The following ASS1 variants were observed in gnomAD, a reference collection of about 807,000 sequenced individuals.
ASS1 encodes argininosuccinate synthase 1, also known as argininosuccinate synthase.
A neutral mutation model predicts 60.5 loss-of-function variants in ASS1; 58 were observed. That is an observed-to-expected ratio of 0.96 (90% CI 0.78 to 1.19). The LOEUF (loss-of-function observed/expected upper bound fraction) is 1.19, where lower values mean the gene tolerates loss of function less well. Ranked by LOEUF, ASS1 falls within the 50% of genes most tolerant of loss-of-function variation. The pLI is 0.00. For missense variants in ASS1, 454 were observed against 547.3 expected, an observed-to-expected ratio of 0.83 and a Z score of 1.70; for synonymous variants, 200 against 206.9, an observed-to-expected ratio of 0.97 and a Z score of 0.29.
intron 5 of ASS1, chr9:130,466,381 C>G: frequency 2.6e-6 from 1 of 389,606 alleles, no homozygotes; most frequent in Non-Finnish European, 4.9e-6. Context: ...CGGCAGTGGC[C>G]CTGTGGCTGA....
chr9:130,464,032 G>A, intron 4 of ASS1, 79 bp from the exon 5 acceptor site: 2 of 1,509,194 alleles, frequency 1.3e-6, no homozygotes, highest in Non-Finnish European at 1.8e-6. Context: ...GCCACGGGCT[G>A]TCCTTGTCCT....
chr9:130,494,887 T>C lies in ASS1; in HGVS notation c.991T>C (p.Cys331Arg), dbSNP rs1055308437. ...VYTGFWHSPE[C>R]EFVRHCIAKS... ...TGTAGGTTTCTGGCACAGCCCTGAG[T>C]GTGAATTTGTCCGCCACTGCATCGC... is the stretch of plus-strand genomic sequence containing the variant. The change falls in exon 13 of 15, where the codon TGT becomes CGT. Residue 331 changes from cysteine to arginine, a missense_variant. Coordinates refer to ENST00000352480, the MANE Select transcript of ASS1 (RefSeq NM_054012.4). This position sits in a 1 kb window ranked among gnomAD's most constrained non-coding sequence, Gnocchi z 4.3. 2.5e-6 allele frequency: 4 copies of C among 1,613,282 alleles called. No homozygotes were observed. Among genetic ancestry groups the C allele is most frequent in the African/African-American group, 1.3e-5 (1 of 74,982 alleles).
intron 7 of ASS1, 65 bp from the exon 8 acceptor site, chr9:130,471,420 G>A (rs374516554): frequency 2.7e-5 from 42 of 1,579,630 alleles, no homozygotes; most frequent in Non-Finnish European, 3.7e-5. Context: ...GGGTGTGTGT[G>A]TTGGGGGATG....
chr9:130,479,949 A>G, intron 10 of ASS1, 149 bp downstream of exon 10: 4 of 951,066 alleles, frequency 4.2e-6, no homozygotes, highest in Non-Finnish European at 5.2e-6. Flanking sequence ...AGTTTCCCGG[A>G]CCAGGGGGAC....
Position 130,454,317 on chromosome 9 carries a change from C to T in ASS1, c.118C>T (p.Gln40Ter). 1 of 1,612,120 alleles carries T rather than the reference C, an allele frequency of 6.2e-7. No homozygotes were observed. Among genetic ancestry groups the T allele is most frequent in the Non-Finnish European group, 8.5e-7 (1 of 1,179,538 alleles). Residue 40 changes from glutamine (Q) to a stop codon, truncating the protein, a stop_gained, in exon 3 of 15, where the codon CAG (glutamine) becomes TAG (stop). Transcript: ENST00000352480. LOFTEE classifies it high-confidence loss of function. ...TTCTGCTTCTCAGGCCAACATTGGC[C>T]AGAAGGAAGACTTCGAGGAAGCCAG... ...DVIAYLANIG[Q>*]KEDFEEARKK... is the part of the protein sequence containing the mutation.
chr9:130,473,333 C>G (rs1293087164), intron 8 of ASS1, among the ~76,000 whole-genome samples: 1 of 152,188 alleles, frequency 6.6e-6, no homozygotes, highest in Non-Finnish European at 1.5e-5. Context: ...CTCAGTCATG[C>G]AGCTGGGGGT....
chr9:130,450,987 C>A (rs1845312204), intron 1 of ASS1, among the ~76,000 whole-genome samples: 1 of 152,206 alleles, frequency 6.6e-6, no homozygotes, highest in African/African-American at 2.4e-5. Flanking sequence ...ACCAGGAGGC[C>A]TGGGCCCACA....
chr9:130,481,357 G>A (rs1342869389), intron 11 of ASS1, among the ~76,000 whole-genome samples: 1 of 152,166 alleles, frequency 6.6e-6, no homozygotes, highest in African/African-American at 2.4e-5. Flanking sequence ...TTTTATACTG[G>A]TGGTGGGGTC....
At chr9:130,472,516 G>C (rs374065361) in intron 8 of ASS1, among the ~76,000 whole-genome samples, 1 of 152,164 alleles carries the variant, frequency 6.6e-6, no homozygotes, top group African/African-American at 2.4e-5. Flanking sequence ...TGAGGAAACT[G>C]AGGCCCGGGC....
At position 130,476,578 on chromosome 9, in the gene ASS1, G is replaced by A. The variant is rs1255821626; in HGVS notation, c.598-293G>A. 3.8e-6 allele frequency: 2 copies of A among 532,830 alleles called. No homozygotes were observed. The highest frequency in any genetic ancestry group is 6.8e-6 in the Non-Finnish European group (2 of 294,186). 33.0% of individuals were successfully genotyped at this position (532,830 alleles called of 1,614,324 possible). A position where few individuals can be genotyped will look rare whatever the true frequency, so the allele number is the denominator to read the frequency against. Reference sequence around the variant, plus strand: ...CTCCTCCAAAGTCACACTTTTTCCTGCCTGACTTGTTCCTCTCCAGCTATT... The same window carrying A: ...CTCCTCCAAAGTCACACTTTTTCCTACCTGACTTGTTCCTCTCCAGCTATT... On this transcript the variant is annotated intron_variant, in intron 8 of 14. Coordinates refer to ENST00000352480, the MANE Select transcript of ASS1 (RefSeq NM_054012.4). The surrounding 1 kb of genome is among the most constrained non-coding windows in gnomAD (Gnocchi z 4.9).
intron 10 of ASS1, 100 bp downstream of exon 10, chr9:130,479,900 G>A (rs373061145): frequency 1.6e-5 from 21 of 1,335,082 alleles, no homozygotes; most frequent in East Asian, 1.1e-4. Flanking sequence ...AGGCTCAGGG[G>A]TGCGGAGCAC....
intron 7 of ASS1, among the ~76,000 whole-genome samples, chr9:130,471,244 C>T (rs541938309): frequency 4.7e-4 from 71 of 152,298 alleles, no homozygotes; most frequent in African/African-American, 1.6e-3. Flanking sequence ...CCCCCAACCA[C>T]GTGCAGAGCC....
rs371954700 is a variant in ASS1 at position 130,477,722 on chromosome 9, C to T, written c.688+761C>T. ...CAGAGGGCCTGAAGGGGTACCTTTT[C>T]AGGAGGCTGGAGTGATCAGGGAGGC... On this transcript the variant is annotated intron_variant, in intron 9 of 14. Transcript: ENST00000352480. The surrounding 1 kb of genome is among the most constrained non-coding windows in gnomAD (Gnocchi z 4.2). Among the ~76,000 whole-genome samples, 3 of 152,172 alleles carry T rather than the reference C, an allele frequency of 2.0e-5. No individual in the cohort carries two copies. The highest frequency in any genetic ancestry group is 3.9e-4 in the East Asian group (2 of 5,186).
At chr9:130,492,642 A>G (rs961282903) in intron 12 of ASS1, among the ~76,000 whole-genome samples, 21 of 152,188 alleles carry the variant, frequency 1.4e-4, no homozygotes, top group African/African-American at 4.8e-4. Context: ...GGAGCATCTC[A>G]TCTAGGGGGT....
rs527847036 is a variant in ASS1 at position 130,474,451 on chromosome 9, C to T, written c.598-2420C>T. 5.9e-5 allele frequency among the ~76,000 whole-genome samples: 9 copies of T among 152,268 alleles called. No homozygotes were observed. In the South Asian group the frequency reaches 1.9e-3, roughly 32 times the overall value. ...CAAGCAACGCATTGAAAACAGTTGA[C>T]AGTCGGGCCCAGCGCAGGTGGAGGT... On this transcript the variant is annotated intron_variant, in intron 8 of 14. Coordinates refer to ENST00000352480, the MANE Select transcript of ASS1 (RefSeq NM_054012.4).
At chr9:130,455,558 A>G (rs1404188445) in intron 3 of ASS1, among the ~76,000 whole-genome samples, 2 of 152,180 alleles carry the variant, frequency 1.3e-5, no homozygotes, top group South Asian at 2.1e-4. Context: ...CATTCATTCA[A>G]CAGAATCAGA....
At position 130,470,665 on chromosome 9, in the gene ASS1, A is replaced by T. The variant is rs1356813657; in HGVS notation, c.496-169A>T. Among the ~76,000 whole-genome samples the T allele has an allele frequency of 6.6e-6, 1 of 152,180 alleles. No individual in the cohort carries two copies. The highest frequency in any genetic ancestry group is 1.5e-5 in the Non-Finnish European group (1 of 68,014). The stretch of plus-strand genomic sequence containing the variant: ...GCAGTTTCTCTGGGGCATGTCCAGC[A>T]ATAGGGTCCCCCCAGGGAGGTGACC... On this transcript the variant is annotated intron_variant, in intron 6 of 14. Transcript: ENST00000352480. This position sits in a 1 kb window ranked among gnomAD's most constrained non-coding sequence, Gnocchi z 4.3.
At chr9:130,455,113 C>A (rs1473411522) in intron 3 of ASS1, among the ~76,000 whole-genome samples, 1 of 149,968 alleles carries the variant, frequency 6.7e-6, no homozygotes, top group Non-Finnish European at 1.5e-5. Flanking sequence ...GTCTATCCAT[C>A]CATCATCCAT....
chr9:130,474,560 G>A (rs894736856), intron 8 of ASS1, among the ~76,000 whole-genome samples: 5 of 152,214 alleles, frequency 3.3e-5, no homozygotes, highest in African/African-American at 1.2e-4. Flanking sequence ...GGCAGCTGGA[G>A]ATGGGGCTGT....
Sources: gnomAD v4.1 joint callset for allele counts (sites outside exome capture counted in the v4.1 genomes callset) on GRCh38, gnomAD v4.1.1 for gene constraint, Gnocchi (gnomAD v3.1) non-coding constraint, MANE v1.5 for transcripts, NCBI Gene and HGNC (gene_info 2026-07-23, HGNC 2026-07-21) for gene names.